PRAG1: variants seen among roughly 807,000 people sequenced by gnomAD.
PRAG1 encodes PEAK1 related, kinase-activating pseudokinase 1, also known as inactive tyrosine-protein kinase PRAG1.
Under a neutral mutation model 95.6 loss-of-function variants are expected in PRAG1, and 110 were observed. The ratio of observed to expected loss-of-function variants is 1.15; its 90% CI spans 0.99 to 1.35. The LOEUF (loss-of-function observed/expected upper bound fraction) is 1.35. Ranked by LOEUF, PRAG1 falls within the 40% of genes most tolerant of loss-of-function variation. The pLI, the probability that PRAG1 is intolerant of heterozygous loss-of-function variation, is 0.00. For missense variants in PRAG1, 2,554 were observed against 1,864.7 expected (o/e 1.37, Z -6.81); for synonymous variants, 1,052 against 819.4 (o/e 1.28, Z -4.85).
At chr8:8,326,809 G>A (rs2117112321) in intron 5 of PRAG1, among the ~76,000 whole-genome samples, 1 of 152,266 alleles carries the variant, frequency 6.6e-6, no homozygotes, top group Admixed American at 6.5e-5. Context: ...AACTAGCTAT[G>A]GGCAAATTAC....
At chr8:8,369,109 G>A (rs535815984) in intron 3 of PRAG1, among the ~76,000 whole-genome samples, 60 of 151,992 alleles carry the variant, frequency 3.9e-4, no homozygotes, top group African/African-American at 1.4e-3. Context: ...TCTGTTGAGC[G>A]AGAATAGTTG....
At chr8:8,322,042 T>G (rs1278577063) in intron 5 of PRAG1, among the ~76,000 whole-genome samples, 1 of 152,238 alleles carries the variant, frequency 6.6e-6, no homozygotes, top group Non-Finnish European at 1.5e-5. Flanking sequence ...GCACTAGAGC[T>G]CATCCCTGAA....
chr8:8,373,022 T>G (rs760882296), intron 3 of PRAG1, among the ~76,000 whole-genome samples: 2 of 152,202 alleles, frequency 1.3e-5, no homozygotes, highest in East Asian at 1.9e-4. Context: ...TAGGATCTAT[T>G]TCACAAATGG....
At chr8:8,360,112 C>G (rs1799799507) in intron 3 of PRAG1, among the ~76,000 whole-genome samples, 1 of 152,122 alleles carries the variant, frequency 6.6e-6, no homozygotes, top group South Asian at 2.1e-4. Context: ...CTAAATTTAT[C>G]AAGGGCTCTT....
Position 8,318,417 on chromosome 8 carries a change from C to G in PRAG1, c.3958G>C (p.Glu1320Gln). ...ADPIKRIRIG[E>Q]AKRVLQCLLW... The stretch of plus-strand genomic sequence containing the variant: ...AGGCACTGCAGCACGCGCTTGGCCT[C>G]GCCGATGCGGATACGCTTGATGGGG... Residue 1320 changes from glutamate (E) to glutamine (Q), a missense_variant, in exon 6 of 6, where the codon GAG becomes CAG. Glu to Gln is a conservative substitution (Grantham distance 29). Transcript: ENST00000615670. This position sits in a 1 kb window ranked among gnomAD's most constrained non-coding sequence, Gnocchi z 4.2. 6.2e-7 allele frequency: 1 copy of G among 1,613,094 alleles called. No individual in the cohort carries two copies.
At chr8:8,338,542 T>C (rs1385415702) in intron 4 of PRAG1, among the ~76,000 whole-genome samples, 1 of 152,210 alleles carries the variant, frequency 6.6e-6, no homozygotes, top group African/African-American at 2.4e-5. Context: ...AGAAAATCTG[T>C]TGTTGCTACA....
intron 3 of PRAG1, among the ~76,000 whole-genome samples, chr8:8,358,834 C>T (rs1036229173): frequency 2.0e-5 from 3 of 152,176 alleles, no homozygotes; most frequent in Admixed American, 6.5e-5. Context: ...GCCCAATTGG[C>T]TAACAATCTA....
chr8:8,359,180 C>T (rs968639882), intron 3 of PRAG1, among the ~76,000 whole-genome samples: 12 of 152,148 alleles, frequency 7.9e-5, no homozygotes, highest in African/African-American at 2.7e-4. Flanking sequence ...CAATTCCCTC[C>T]TCTTATTTTT....
chr8:8,374,574 G>T, intron 3 of PRAG1: 1 of 838,536 alleles, frequency 1.2e-6, no homozygotes, highest in Non-Finnish European at 1.4e-6. Context: ...TTCTGAGGAT[G>T]AAATGAGTTG....
chr8:8,373,151 G>A (rs993606679), intron 3 of PRAG1, among the ~76,000 whole-genome samples: 9 of 152,192 alleles, frequency 5.9e-5, no homozygotes, highest in East Asian at 1.9e-4. Flanking sequence ...AATTGGTGCC[G>A]GATCAACTGC....
At chr8:8,349,178 G>C (rs1040615737) in intron 3 of PRAG1, among the ~76,000 whole-genome samples, 1 of 152,188 alleles carries the variant, frequency 6.6e-6, no homozygotes, top group Admixed American at 6.5e-5. Context: ...CACAAATCTT[G>C]TAGTTTTTAA....
chr8:8,350,185 TC>T (rs1799477229), intron 3 of PRAG1, among the ~76,000 whole-genome samples: 1 of 152,200 alleles, frequency 6.6e-6, no homozygotes, highest in South Asian at 2.1e-4. Flanking sequence ...TGTGGACTTT[TC>T]CAAAGAAGTG....
rs761743282 is a variant in PRAG1, at chr8:8,319,125, C to A, written c.3250G>T (p.Glu1084Ter). The A allele has an allele frequency of 4.4e-6, 7 of 1,606,584 alleles. No individual in the cohort carries two copies. Among genetic ancestry groups the A allele is most frequent in the Non-Finnish European group, 5.9e-6 (7 of 1,177,454 alleles). The change falls in exon 6 of 6, where the codon GAG becomes TAG. Residue 1084 changes from glutamate (E) to a stop codon, truncating the protein, a stop_gained. Transcript: ENST00000615670. LOFTEE classifies it high-confidence loss of function. ...GTGATGACCACCACGCAGTCCTGCT[C>A]CTGGGCAGGGGGGTGTGTGGGCAGG... The part of the protein sequence containing the change: ...PALPTHPPAQ[E>*]QDCVVVITRE...
chr8:8,345,322 G>T lies in PRAG1; in HGVS notation c.2163-5687C>A, dbSNP rs189042599. Among the ~76,000 whole-genome samples, 59 of 141,908 alleles carry T rather than the reference G, an allele frequency of 4.2e-4. 1 individual carries two copies. The South Asian group carries it at 5.3e-3, about 13-fold the overall frequency. 93.1% of individuals were successfully genotyped at this position (141,908 alleles called of 152,430 possible). On this transcript the variant is annotated intron_variant, in intron 3 of 5. Coordinates refer to ENST00000615670, the MANE Select transcript of PRAG1 (RefSeq NM_001080826.3). ...GAGGTGGGAGGATCACTTGAGCCTG[G>T]AAGTTTGATACCAGCCTAAGCAACA...
chr8:8,377,348 C>T lies in PRAG1; in HGVS notation c.1061G>A (p.Ser354Asn), dbSNP rs782063933. ...GSGSGSGSGA[S>N]SPFVPHLESD... Reference sequence around the variant, plus strand: ...CTCGAGGTGGGGGACGAAGGGGCTACTGGCGCCGCTGCCGCTGCCGCTGCC... The same window carrying T: ...CTCGAGGTGGGGGACGAAGGGGCTATTGGCGCCGCTGCCGCTGCCGCTGCC... The change falls in exon 3 of 6, where the codon AGT becomes AAT. Residue 354 changes from serine to asparagine, a missense_variant. Coordinates refer to ENST00000615670, the MANE Select transcript of PRAG1 (RefSeq NM_001080826.3). 2.5e-6 allele frequency: 4 copies of T among 1,579,022 alleles called. No homozygotes were observed. The highest frequency in any genetic ancestry group is 2.2e-5 in the South Asian group (2 of 89,208).
intron 3 of PRAG1, among the ~76,000 whole-genome samples, chr8:8,349,435 C>G (rs1021712679): frequency 2.1e-4 from 32 of 152,016 alleles, no homozygotes; most frequent in African/African-American, 7.7e-4. Flanking sequence ...CGCCCGCCAC[C>G]TCGCCAGGCT....
intron 3 of PRAG1, among the ~76,000 whole-genome samples, chr8:8,375,378 A>G (rs1800351559): frequency 6.6e-6 from 1 of 151,734 alleles, no homozygotes; most frequent in Non-Finnish European, 1.5e-5. Flanking sequence ...TAATTTTTGT[A>G]TTTTTAGTAG....
intron 3 of PRAG1, among the ~76,000 whole-genome samples, chr8:8,354,248 G>C (rs1355797102): frequency 6.6e-6 from 1 of 152,000 alleles, no homozygotes; most frequent in Admixed American, 6.6e-5. Flanking sequence ...GAACAGACCA[G>C]TAACAAATAA....
At chr8:8,376,149 C>T in intron 3 of PRAG1, 98 bp downstream of exon 3, 8 of 1,491,888 alleles carry the variant, frequency 5.4e-6, no homozygotes, top group Non-Finnish European at 7.2e-6. Flanking sequence ...TGGGCAGATT[C>T]TGGGACCTGG....
Sources: gnomAD v4.1 joint callset for allele counts (sites outside exome capture counted in the v4.1 genomes callset) on GRCh38, gnomAD v4.1.1 for gene constraint, Gnocchi (gnomAD v3.1) non-coding constraint, MANE v1.5 for transcripts, NCBI Gene and HGNC (gene_info 2026-07-23, HGNC 2026-07-21) for gene names.